The following MAN1C1 variants were observed in gnomAD, a reference collection of about 807,000 sequenced individuals.
MAN1C1 encodes mannosidase alpha class 1C member 1.
MAN1C1 carries 49 observed loss-of-function variants against 71.5 expected under a neutral mutation model. The ratio of observed to expected loss-of-function variants is 0.69; its 90% CI spans 0.54 to 0.87. MAN1C1 has a LOEUF of 0.87. Among genes scored for constraint, MAN1C1 ranks in the 40% least tolerant of loss-of-function variants. The pLI is 0.00. For synonymous variants in MAN1C1, 352 were observed against 343.7 expected, an observed-to-expected ratio of 1.02 and a Z score of -0.27; for missense variants, 743 against 835.0, an observed-to-expected ratio of 0.89 and a Z score of 1.36.
At chr1:25,650,049 G>T (rs2045669937) in intron 1 of MAN1C1, among the ~76,000 whole-genome samples, 1 of 152,222 alleles carries the variant, frequency 6.6e-6, no homozygotes, top group South Asian at 2.1e-4. Context: ...GCCAAAGTTG[G>T]GGGAGGGGGC....
In MAN1C1 at chr1:25,730,489, A is replaced by T. The variant is rs2046894191; in HGVS notation, c.638-16179A>T. On this transcript the variant is annotated intron_variant, in intron 2 of 11. Transcript: ENST00000374332. The surrounding 1 kb of genome is among the most constrained non-coding windows in gnomAD (Gnocchi z 4.3). ...CTAGGGGCTTTAATTGTTCAGTCAC[A>T]TGAGGGTGGTGCCTCCTGAGTTCTG... 6.6e-6 allele frequency among the ~76,000 whole-genome samples: 1 copy of T among 151,998 alleles called. No individual in the cohort carries two copies. Among genetic ancestry groups the T allele is most frequent in the African/African-American group, 2.4e-5 (1 of 41,366 alleles).
chr1:25,702,492 C>A (rs2046460027), intron 2 of MAN1C1, among the ~76,000 whole-genome samples: 2 of 152,230 alleles, frequency 1.3e-5, no homozygotes, highest in South Asian at 4.1e-4. Flanking sequence ...CCCCCCAAAA[C>A]ATACCAGAGT....
intron 7 of MAN1C1, among the ~76,000 whole-genome samples, chr1:25,766,809 G>A (rs1330262493): frequency 6.6e-6 from 1 of 152,124 alleles, no homozygotes; most frequent in African/African-American, 2.4e-5. Flanking sequence ...TTCTTCTGTG[G>A]GAGGGAAGTG....
chr1:25,619,923 A>G (rs763254984), intron 1 of MAN1C1, among the ~76,000 whole-genome samples: 5 of 152,214 alleles, frequency 3.3e-5, no homozygotes, highest in Admixed American at 1.3e-4. Context: ...TGGGGCATCC[A>G]GAGGTGCCAT....
intron 2 of MAN1C1, among the ~76,000 whole-genome samples, chr1:25,733,130 C>T (rs1020390547): frequency 6.6e-6 from 1 of 152,202 alleles, no homozygotes; most frequent in African/African-American, 2.4e-5. Flanking sequence ...TGGTAAACAG[C>T]TACCCCCACA....
intron 1 of MAN1C1, among the ~76,000 whole-genome samples, chr1:25,648,931 G>A (rs1335743697): frequency 6.6e-6 from 1 of 152,210 alleles, no homozygotes; most frequent in Admixed American, 6.5e-5. Flanking sequence ...AGCAGAACTT[G>A]GCTAATAGTC....
rs368618854 is a variant in MAN1C1, at chr1:25,723,402, G to A, written c.638-23266G>A. On this transcript the variant is annotated intron_variant, in intron 2 of 11. Transcript: ENST00000374332. ...ACCTGGTGTTGCCACCAATCCCAGA[G>A]CCTTTGGGGTTTTCTAGCACAAACC... is the stretch of plus-strand genomic sequence containing the variant. 9.8e-5 allele frequency among the ~76,000 whole-genome samples: 15 copies of A among 152,346 alleles called. No individual in the cohort carries two copies. In the East Asian group the frequency reaches 2.5e-3, roughly 25 times the overall value.
chr1:25,718,761 T>C (rs1224445669), intron 2 of MAN1C1, among the ~76,000 whole-genome samples: 1 of 152,224 alleles, frequency 6.6e-6, no homozygotes, highest in Non-Finnish European at 1.5e-5. Context: ...CATGCATCAG[T>C]ATTTCATTTC....
chr1:25,746,454 T>A lies in MAN1C1; in HGVS notation c.638-214T>A, dbSNP rs2047129785. Among the ~76,000 whole-genome samples, 1 of 152,228 alleles carries A rather than the reference T, an allele frequency of 6.6e-6. No homozygotes were observed. The highest frequency in any genetic ancestry group is 2.4e-5 in the African/African-American group (1 of 41,464). ...GCCCTCGGTCTCTCTGGCCGCTGTT[T>A]GCTGCCTTGAGGAGGAAGCAGCCCA... On this transcript the variant is annotated intron_variant, in intron 2 of 11. Coordinates refer to ENST00000374332, the MANE Select transcript of MAN1C1 (RefSeq NM_020379.4). This position sits in a 1 kb window ranked among gnomAD's most constrained non-coding sequence, Gnocchi z 4.0.
In MAN1C1 at chr1:25,732,235, T is replaced by C. The variant is rs142153675; in HGVS notation, c.638-14433T>C. On this transcript the variant is annotated intron_variant, in intron 2 of 11. Coordinates refer to ENST00000374332, the MANE Select transcript of MAN1C1 (RefSeq NM_020379.4). ...TAGGGTCAGGCTAAGCCACAGGCCT[T>C]CAGGAGGTAGCCTGTGGTCTCAAAG... Among the ~76,000 whole-genome samples the C allele has an allele frequency of 5.3e-5, 8 of 152,230 alleles. No individual in the cohort carries two copies. The East Asian group carries it at 1.5e-3, about 29-fold the overall frequency.
chr1:25,734,852 A>C (rs1420948801), intron 2 of MAN1C1, among the ~76,000 whole-genome samples: 2 of 152,256 alleles, frequency 1.3e-5, no homozygotes, highest in Admixed American at 1.3e-4. Context: ...CTGTAATAGA[A>C]GTTGAGAAAC....
chr1:25,742,682 C>T (rs1022341060), intron 2 of MAN1C1, among the ~76,000 whole-genome samples: 3 of 152,176 alleles, frequency 2.0e-5, no homozygotes, highest in Admixed American at 1.3e-4. Context: ...CTAGTGTCAC[C>T]GCCATTTTGC....
At position 25,731,580 on chromosome 1, in the gene MAN1C1, C is replaced by G. The variant is rs111541290; in HGVS notation, c.638-15088C>G. Among the ~76,000 whole-genome samples the G allele has an allele frequency of 1.5e-3, 226 of 152,298 alleles. 1 individual carries two copies. Among genetic ancestry groups the G allele is most frequent in the African/African-American group, 4.7e-3 (196 of 41,574 alleles). On this transcript the variant is annotated intron_variant, in intron 2 of 11. Coordinates refer to ENST00000374332, the MANE Select transcript of MAN1C1 (RefSeq NM_020379.4). ...AATTATGATTTTATTCTAAGTCTAC[C>G]TGATTCCAAAGTTTCTGCCCTACTC...
intron 1 of MAN1C1, among the ~76,000 whole-genome samples, chr1:25,636,476 G>C (rs569249425): frequency 6.6e-6 from 1 of 152,230 alleles, no homozygotes; most frequent in East Asian, 1.9e-4. Flanking sequence ...TTCCCTACTT[G>C]CACGTCTGTT....
intron 2 of MAN1C1, among the ~76,000 whole-genome samples, chr1:25,741,139 G>A (rs558106861): frequency 1.3e-5 from 2 of 152,060 alleles, no homozygotes; most frequent in East Asian, 3.9e-4. Context: ...AGACATGCAT[G>A]CAGAGTTGGA....
At chr1:25,662,207 C>T (rs1030966643) in intron 1 of MAN1C1, among the ~76,000 whole-genome samples, 5 of 152,362 alleles carry the variant, frequency 3.3e-5, no homozygotes, top group African/African-American at 9.6e-5. Context: ...GTCCTGTTCA[C>T]TGAGCCTGGC....
intron 2 of MAN1C1, among the ~76,000 whole-genome samples, chr1:25,733,022 T>C (rs1347459648): frequency 1.3e-5 from 2 of 152,180 alleles, no homozygotes; most frequent in Non-Finnish European, 2.9e-5. Flanking sequence ...CCTGGGAGGC[T>C]CTGGCACTGT....
Position 25,726,893 on chromosome 1 carries a change from T to TAAA in MAN1C1, c.638-19760_638-19758dup, listed in dbSNP as rs530911352. Among the ~76,000 whole-genome samples, 258 of 127,246 alleles carry TAAA rather than the reference T, an allele frequency of 2.0e-3. 1 individual carries two copies. Among genetic ancestry groups the TAAA allele is most frequent in the African/African-American group, 6.7e-3 (226 of 33,914 alleles). The allele number at this position is 127,246 out of a possible 152,430, so 83.5% of individuals were successfully genotyped here. A position where few individuals can be genotyped will look rare whatever the true frequency, so the allele number is the denominator to read the frequency against. Reference sequence around the variant, plus strand: ...CAATACAGTGAGACCTCATCTCTATTAAAAAAAAAAAAAAAAAGCCAACTG... The same window carrying TAAA: ...CAATACAGTGAGACCTCATCTCTATTAAAAAAAAAAAAAAAAAAAAGCCAACTG... On this transcript the variant is annotated intron_variant, in intron 2 of 11. Transcript: ENST00000374332.
chr1:25,712,749 G>T (rs988785668), intron 2 of MAN1C1, among the ~76,000 whole-genome samples: 1 of 152,174 alleles, frequency 6.6e-6, no homozygotes, highest in Non-Finnish European at 1.5e-5. Context: ...GTGCCCTGGG[G>T]TGACTTTCAG....
Sources: allele counts gnomAD v4.1 joint callset (sites outside exome capture counted in the v4.1 genomes callset), GRCh38; gene constraint gnomAD v4.1.1; non-coding constraint Gnocchi (gnomAD v3.1); transcripts MANE v1.5; gene names NCBI Gene and HGNC (gene_info 2026-07-23, HGNC 2026-07-21).